DCC: variants seen among roughly 807,000 people sequenced by gnomAD.
DCC encodes DCC netrin 1 receptor.
DCC carries 58 observed loss-of-function variants against 172.5 expected under a neutral mutation model. The observed-to-expected ratio is 0.34, with a 90% CI of 0.27 to 0.42. The LOEUF (loss-of-function observed/expected upper bound fraction) is 0.42. Among genes scored for constraint, DCC ranks in the 10% least tolerant of loss-of-function variants. The pLI is 1.00. For missense variants in DCC, 1,740 were observed against 1,791.0 expected (o/e 0.97, Z 0.51); for synonymous variants, 709 against 644.5 (o/e 1.10, Z -1.52).
chr18:52,507,411 T>C (rs987850616), intron 1 of DCC, among the ~76,000 whole-genome samples: 1 of 152,122 alleles, frequency 6.6e-6, no homozygotes, highest in African/African-American at 2.4e-5. Flanking sequence ...CAGGAAGAGA[T>C]TAAGCATTTG....
At chr18:53,139,694 A>C (rs969288436) in intron 7 of DCC, among the ~76,000 whole-genome samples, 1 of 152,034 alleles carries the variant, frequency 6.6e-6, no homozygotes, top group Non-Finnish European at 1.5e-5. Context: ...AGACACTGAG[A>C]GGTGAGGCAG....
At chr18:52,826,524 G>C (rs7234195) in intron 2 of DCC, among the ~76,000 whole-genome samples, 39,992 of 151,802 alleles carry the variant, frequency 0.26, 5,403 homozygotes, top group South Asian at 0.3. Flanking sequence ...TTGAAGGAAG[G>C]GGCTGGAGTG....
chr18:53,301,227 T>C (rs1361366576), intron 12 of DCC, among the ~76,000 whole-genome samples: 1 of 151,656 alleles, frequency 6.6e-6, no homozygotes, highest in Non-Finnish European at 1.5e-5. Flanking sequence ...GTAGGTGGGA[T>C]TACAGGCATG....
At chr18:53,146,184 G>A (rs563024583) in intron 7 of DCC, among the ~76,000 whole-genome samples, 12 of 152,004 alleles carry the variant, frequency 7.9e-5, no homozygotes, top group African/African-American at 2.9e-4. Context: ...TCATGCCACT[G>A]TACTCTAGCC....
At chr18:53,315,306 G>T (rs554688503) in intron 13 of DCC, among the ~76,000 whole-genome samples, 1 of 152,052 alleles carries the variant, frequency 6.6e-6, no homozygotes, top group Non-Finnish European at 1.5e-5. Context: ...TCCTTTTTAC[G>T]GCTGCATAGT....
intron 5 of DCC, among the ~76,000 whole-genome samples, chr18:53,048,713 T>A: frequency 6.6e-6 from 1 of 151,370 alleles, no homozygotes; most frequent in East Asian, 2.0e-4. Context: ...ATATACTCAA[T>A]GATGGGATTG....
rs1438796580 is a variant in DCC at position 53,450,590 on chromosome 18, G to A, written c.3320G>A (p.Gly1107Asp). 1.2e-6 allele frequency: 2 copies of A among 1,612,562 alleles called. No homozygotes were observed. Among genetic ancestry groups the A allele is most frequent in the Non-Finnish European group, 1.7e-6 (2 of 1,179,528 alleles). ...CTTGTGATCATTGTGGTCACCGTTG[G>A]TGTCATCACAGTGCTGGTAGTGGTC... ...NLLVIIVVTVGVITVLVVVIV... is the reference protein window; with the variant it reads ...NLLVIIVVTVDVITVLVVVIV... The change falls in exon 23 of 29, where the codon GGT becomes GAT. Residue 1107 changes from glycine (G) to aspartate (D), a missense_variant. By Grantham distance (94) the Gly-to-Asp change is moderately conservative. Around this residue, in one of 2 missense-constraint regions of DCC, gnomAD observed 1,732 missense variants for 1,767.4 expected, o/e 0.98. Transcript: ENST00000442544.
intron 22 of DCC, among the ~76,000 whole-genome samples, chr18:53,445,718 T>C (rs1912554535): frequency 6.6e-6 from 1 of 152,176 alleles, no homozygotes; most frequent in African/African-American, 2.4e-5. Flanking sequence ...TAAATATATG[T>C]ATTTGCTTTA....
intron 19 of DCC, among the ~76,000 whole-genome samples, chr18:53,404,380 A>C (rs939821195): frequency 6.6e-6 from 1 of 151,966 alleles, no homozygotes; most frequent in African/African-American, 2.4e-5. Context: ...CTCTGGAAGA[A>C]AGCTTAATTT....
At chr18:52,872,540 G>T (rs2039337907) in intron 2 of DCC, among the ~76,000 whole-genome samples, 1 of 152,082 alleles carries the variant, frequency 6.6e-6, no homozygotes. Flanking sequence ...AGTATATTTT[G>T]GGGTGAAATA....
At chr18:52,792,814 A>T (rs62083269) in intron 2 of DCC, among the ~76,000 whole-genome samples, 13 of 133,152 alleles carry the variant, frequency 9.8e-5, no homozygotes, top group Non-Finnish European at 1.7e-4. Flanking sequence ...CAGTTGATTC[A>T]ATTCCATTCT....
At chr18:52,757,930 T>G (rs2037101379) in intron 2 of DCC, among the ~76,000 whole-genome samples, 1 of 152,142 alleles carries the variant, frequency 6.6e-6, no homozygotes, top group Non-Finnish European at 1.5e-5. Flanking sequence ...CTTCTCAATC[T>G]AAGGACTAGA....
At chr18:52,879,972 T>A (rs1464466301) in intron 2 of DCC, among the ~76,000 whole-genome samples, 1 of 152,156 alleles carries the variant, frequency 6.6e-6, no homozygotes, top group African/African-American at 2.4e-5. Context: ...ATGTAATAAT[T>A]ATGTCATGGA....
chr18:52,357,359 T>C (rs190463012), intron 1 of DCC, among the ~76,000 whole-genome samples: 58 of 151,960 alleles, frequency 3.8e-4, no homozygotes, highest in African/African-American at 1.3e-3. Context: ...CCCACAAAGA[T>C]AGAGTATGTC....
intron 8 of DCC, among the ~76,000 whole-genome samples, chr18:53,170,655 T>C (rs994509830): frequency 1.3e-5 from 2 of 152,234 alleles, no homozygotes; most frequent in Admixed American, 6.5e-5. Context: ...AGAATCCATA[T>C]TAAGTATCAG....
chr18:52,404,853 C>T (rs1986580704), intron 1 of DCC, among the ~76,000 whole-genome samples: 2 of 143,582 alleles, frequency 1.4e-5, no homozygotes, highest in Admixed American at 7.2e-5. Flanking sequence ...TGATATTCCC[C>T]TTCCTGTGTC....
At chr18:52,462,977 G>A (rs1384019679) in intron 1 of DCC, among the ~76,000 whole-genome samples, 1 of 152,112 alleles carries the variant, frequency 6.6e-6, no homozygotes, top group Non-Finnish European at 1.5e-5. Context: ...CCTGATAGTG[G>A]ATCCATAGAT....
intron 11 of DCC, among the ~76,000 whole-genome samples, chr18:53,208,723 GCTTTT>G (rs1462337978): frequency 2.0e-5 from 3 of 151,998 alleles, no homozygotes; most frequent in African/African-American, 4.8e-5. Flanking sequence ...GGGCTCAAGG[GCTTTT>G]CTTTTCTTTT....
At chr18:53,521,060 G>T (rs896079774) in intron 27 of DCC, among the ~76,000 whole-genome samples, 1 of 151,968 alleles carries the variant, frequency 6.6e-6, no homozygotes, top group East Asian at 1.9e-4. Flanking sequence ...AAGGTCATTC[G>T]ATGAGCTCCA....
Sources: gnomAD v4.1 joint callset for allele counts (sites outside exome capture counted in the v4.1 genomes callset) on GRCh38, gnomAD v4.1.1 for gene constraint, gnomAD v4.1.1 regional missense constraint, MANE v1.5 for transcripts, NCBI Gene and HGNC (gene_info 2026-07-23, HGNC 2026-07-21) for gene names.